MAPK10: variants seen among roughly 807,000 people sequenced by gnomAD.
MAPK10 encodes the protein JNK3 alpha protein kinase.
Under a neutral mutation model 59.3 loss-of-function variants are expected in MAPK10, and 25 were observed. That is an observed-to-expected ratio of 0.42 (90% confidence interval 0.31 to 0.59). MAPK10 has a LOEUF of 0.59. MAPK10 is among the 20% of genes least tolerant of loss of function. The probability of loss-of-function intolerance (pLI) is 0.15; values close to 1 mark genes in which losing one functional copy is unlikely to be tolerated. For missense variants in MAPK10, 351 were observed against 568.9 expected, an observed-to-expected ratio of 0.62 and a Z score of 3.90; for synonymous variants, 190 against 200.5, an observed-to-expected ratio of 0.95 and a Z score of 0.44.
chr4:86,470,606 T>C (rs1450882531), intron 1 of MAPK10, among the ~76,000 whole-genome samples: 1 of 152,194 alleles, frequency 6.6e-6, no homozygotes, highest in Non-Finnish European at 1.5e-5. Context: ...ATTTGCCTTG[T>C]TCCCATTTCA....
At chr4:86,579,581 T>C (rs1317961048) in intron 1 of MAPK10, among the ~76,000 whole-genome samples, 2 of 151,748 alleles carry the variant, frequency 1.3e-5, no homozygotes, top group Non-Finnish European at 2.9e-5. Flanking sequence ...TGCACTCTTC[T>C]ATGTCTTGCT....
At chr4:86,140,067 A>T (rs2063272296) in intron 4 of MAPK10, among the ~76,000 whole-genome samples, 1 of 117,104 alleles carries the variant, frequency 8.5e-6, no homozygotes, top group African/African-American at 3.6e-5. Context: ...AAATAGGAAC[A>T]CTTTTACACT....
At chr4:86,591,597 C>G (rs1006046957) in intron 1 of MAPK10, among the ~76,000 whole-genome samples, 2 of 152,146 alleles carry the variant, frequency 1.3e-5, no homozygotes, top group Admixed American at 6.6e-5. Context: ...TGGTATTGAA[C>G]TCCTGGACTC....
chr4:86,553,698 C>A (rs929290734), intron 1 of MAPK10, among the ~76,000 whole-genome samples: 13 of 152,038 alleles, frequency 8.6e-5, no homozygotes, highest in African/African-American at 3.1e-4. Context: ...TCCAAGTCAC[C>A]CATTCTACCC....
chr4:86,080,647 T>C (rs1353832891), intron 9 of MAPK10: 1 of 152,032 alleles, frequency 6.6e-6, no homozygotes, highest in Admixed American at 6.5e-5. Context: ...ATGGCAATCA[T>C]AAGGGTGAAT....
chr4:86,020,990 G>C (rs1746396497), intron 13 of MAPK10: 1 of 152,218 alleles, frequency 6.6e-6, no homozygotes. Context: ...CTGATTGGTA[G>C]AGCCGAGTGG....
chr4:86,245,178 TG>T (rs2092999642), intron 2 of MAPK10, among the ~76,000 whole-genome samples: 1 of 152,202 alleles, frequency 6.6e-6, no homozygotes, highest in Non-Finnish European at 1.5e-5. Context: ...GTCCTGTACA[TG>T]TCATAACACT....
At chr4:86,162,612 G>C (rs1422945381) in intron 3 of MAPK10, among the ~76,000 whole-genome samples, 1 of 151,924 alleles carries the variant, frequency 6.6e-6, no homozygotes, top group Non-Finnish European at 1.5e-5. Flanking sequence ...TGTTCTATTT[G>C]TCATGGTTTT....
chr4:86,244,579 A>T (rs1415441973), intron 2 of MAPK10, among the ~76,000 whole-genome samples: 1 of 152,182 alleles, frequency 6.6e-6, no homozygotes, highest in Non-Finnish European at 1.5e-5. Context: ...GAATAAGTGA[A>T]CTGCCAGCTG....
At chr4:86,170,265 C>T (rs941831146) in intron 3 of MAPK10, among the ~76,000 whole-genome samples, 1 of 151,916 alleles carries the variant, frequency 6.6e-6, no homozygotes. Context: ...CACAGACTGG[C>T]AAATTGGATA....
intron 1 of MAPK10, among the ~76,000 whole-genome samples, chr4:86,574,188 G>A (rs577044846): frequency 5.6e-4 from 85 of 151,594 alleles, no homozygotes; most frequent in African/African-American, 2.0e-3. Flanking sequence ...AGTTTACTGA[G>A]AATGATGATT....
intron 2 of MAPK10, among the ~76,000 whole-genome samples, chr4:86,195,079 T>C (rs1274100326): frequency 2.6e-5 from 4 of 152,214 alleles, no homozygotes; most frequent in African/African-American, 9.6e-5. Flanking sequence ...AATTCAATTA[T>C]ATCATTTTCT....
intron 2 of MAPK10, among the ~76,000 whole-genome samples, chr4:86,346,031 T>C (rs1468415822): frequency 1.3e-5 from 2 of 152,196 alleles, no homozygotes; most frequent in Non-Finnish European, 2.9e-5. Flanking sequence ...GAAGCAGAGA[T>C]AGATGAAAAC....
intron 2 of MAPK10, among the ~76,000 whole-genome samples, chr4:86,320,379 T>C (rs1468826988): frequency 6.6e-6 from 1 of 152,212 alleles, no homozygotes; most frequent in Non-Finnish European, 1.5e-5. Context: ...TGATAGAACT[T>C]GATTCACAGT....
At chr4:86,229,146 A>T (rs2148660052) in intron 2 of MAPK10, among the ~76,000 whole-genome samples, 1 of 152,326 alleles carries the variant, frequency 6.6e-6, no homozygotes, top group South Asian at 2.1e-4. Flanking sequence ...GATCCTAATT[A>T]AATACCAATG....
rs187387133 is a variant in MAPK10, at chr4:86,023,487, A to G, written c.1252+5710T>C. Among the ~76,000 whole-genome samples, 278 of 152,242 alleles carry G rather than the reference A, an allele frequency of 1.8e-3. 4 individuals carry two copies. Among genetic ancestry groups the G allele is most frequent in the African/African-American group, 6.4e-3 (266 of 41,554 alleles). On this transcript the variant is annotated intron_variant, in intron 13 of 13. Coordinates refer to ENST00000641462, the MANE Select transcript of MAPK10 (RefSeq NM_138982.4). The stretch of plus-strand genomic sequence containing the variant: ...TGCAAAAAAGACAGCTATGATTTTG[A>G]TAAGTATTGGCTTAATCTGTACATC...
chr4:86,084,888 A>G (rs1204431804), intron 9 of MAPK10, among the ~76,000 whole-genome samples: 2 of 152,234 alleles, frequency 1.3e-5, no homozygotes, highest in African/African-American at 4.8e-5. Context: ...TGATACTGGC[A>G]TAAAAACAGA....
intron 1 of MAPK10, among the ~76,000 whole-genome samples, chr4:86,466,492 T>C (rs1042976509): frequency 1.3e-5 from 2 of 152,226 alleles, no homozygotes; most frequent in African/African-American, 4.8e-5. Context: ...TATTTCTGTG[T>C]GTGTGTCTTT....
intron 1 of MAPK10, chr4:86,356,680 A>T (rs1734674496): frequency 6.6e-6 from 1 of 152,328 alleles, no homozygotes; most frequent in Non-Finnish European, 1.5e-5. Flanking sequence ...TTCTGAAAAG[A>T]TGGGCTCCAA....
Sources: allele counts gnomAD v4.1 joint callset (sites outside exome capture counted in the v4.1 genomes callset), GRCh38; gene constraint gnomAD v4.1.1; transcripts MANE v1.5; gene names NCBI Gene and HGNC (gene_info 2026-07-23, HGNC 2026-07-21).